PRKDC: variants seen among roughly 807,000 people sequenced by gnomAD.
The protein encoded by PRKDC is protein kinase, DNA-activated, catalytic subunit.
A neutral mutation model predicts 486.9 loss-of-function variants in PRKDC; 82 were observed. The observed-to-expected ratio is 0.17, with a 90% CI of 0.14 to 0.20. The LOEUF (loss-of-function observed/expected upper bound fraction) is 0.20. Among genes scored for constraint, PRKDC ranks in the 10% least tolerant of loss-of-function variants. PRKDC has a pLI of 1.00. For synonymous variants in PRKDC, 1,895 were observed against 1,837.0 expected (o/e 1.03, Z -0.81); for missense variants, 4,504 against 5,038.2 (o/e 0.89, Z 3.21).
At chr8:47,853,518 C>A (rs2088464137) in intron 51 of PRKDC, among the ~76,000 whole-genome samples, 1 of 152,090 alleles carries the variant, frequency 6.6e-6, no homozygotes, top group Admixed American at 6.5e-5. Context: ...TTATGATGTC[C>A]CGGAACCATC....
intron 22 of PRKDC, among the ~76,000 whole-genome samples, chr8:47,917,827 T>C (rs2090010284): frequency 6.6e-6 from 1 of 152,160 alleles, no homozygotes; most frequent in Non-Finnish European, 1.5e-5. Flanking sequence ...ACAGTTAATA[T>C]AGTTTATATT....
rs2088760968 is a variant in PRKDC at position 47,864,583 on chromosome 8, A to G, written c.5544T>C (p.Ile1848=). The part of the protein sequence containing the change: ...EFFSTIVVDA[I]DVLKSRFTKL... ...TTGTAAACCTGGACTTCAACACATC[A>G]ATGGCATCCACCACAATTGTGCTGA... The change falls in exon 41 of 86, where the codon ATT becomes ATC. Residue 1848 remains isoleucine (I), a synonymous_variant. Transcript: ENST00000314191. 1 of 1,609,948 alleles carries G rather than the reference A, an allele frequency of 6.2e-7. No homozygotes were observed. The highest frequency in any genetic ancestry group is 8.5e-7 in the Non-Finnish European group (1 of 1,178,536).
intron 25 of PRKDC, among the ~76,000 whole-genome samples, chr8:47,912,056 C>T (rs1364905200): frequency 6.6e-6 from 1 of 152,128 alleles, no homozygotes; most frequent in Non-Finnish European, 1.5e-5. Flanking sequence ...CAGATGTGAG[C>T]CACCGCGCGC....
intron 72 of PRKDC, 118 bp from the exon 73 acceptor site, chr8:47,798,515 T>G (rs1401536537): frequency 4.7e-6 from 5 of 1,057,882 alleles, no homozygotes; most frequent in Non-Finnish European, 5.2e-6. Flanking sequence ...CATTGTTCTC[T>G]TCTTAACTAC....
chr8:47,825,579 C>T (rs2087721473), intron 63 of PRKDC, among the ~76,000 whole-genome samples: 1 of 134,168 alleles, frequency 7.5e-6, no homozygotes, highest in Non-Finnish European at 1.6e-5. Context: ...AAAAATATCA[C>T]AAAAGTATGA....
Position 47,915,310 on chromosome 8 carries a change from A to G in PRKDC, c.2617+18T>C, listed in dbSNP as rs1312783510. 13 of 1,425,644 alleles carry G rather than the reference A, an allele frequency of 9.1e-6. No homozygotes were observed. The highest frequency in any genetic ancestry group is 1.4e-5 in the African/African-American group (1 of 69,752). The allele number at this position is 1,425,644 out of a possible 1,614,324, so 88.3% of individuals were successfully genotyped here. On this transcript the variant is annotated intron_variant, in intron 23 of 85. Coordinates refer to ENST00000314191, the MANE Select transcript of PRKDC (RefSeq NM_006904.7). The stretch of plus-strand genomic sequence containing the variant: ...ACAAATATATCTACAGAGGTTATTT[A>G]TTTTAAAAGAAGTTTACCTGTCAGA...
chr8:47,888,944 G>T, intron 33 of PRKDC, 70 bp downstream of exon 33: 1 of 1,460,144 alleles, frequency 6.8e-7, no homozygotes, highest in South Asian at 1.2e-5. Context: ...AGCAGCTGCA[G>T]GAGCACGGCA....
At chr8:47,836,670 A>G (rs2088031953) in intron 57 of PRKDC, 143 bp from the exon 58 acceptor site, 1 of 788,870 alleles carries the variant, frequency 1.3e-6, no homozygotes, top group Non-Finnish European at 1.9e-6. Flanking sequence ...CTGAAGAAGA[A>G]CCTTCTCTAA....
chr8:47,904,730 T>C (rs1014561969), intron 26 of PRKDC, 139 bp downstream of exon 26: 6 of 594,844 alleles, frequency 1.0e-5, no homozygotes, highest in African/African-American at 5.7e-5. Flanking sequence ...GAGGCGCAGG[T>C]TGCAGTGAGC....
At chr8:47,947,165 C>A (rs977873923) in intron 7 of PRKDC, among the ~76,000 whole-genome samples, 17 of 152,316 alleles carry the variant, frequency 1.1e-4, no homozygotes, top group Non-Finnish European at 2.2e-4. Flanking sequence ...AGCATGGGGC[C>A]AGGTGCTGAG....
intron 25 of PRKDC, among the ~76,000 whole-genome samples, chr8:47,908,199 C>A (rs1471023634): frequency 6.6e-6 from 1 of 152,198 alleles, no homozygotes; most frequent in Admixed American, 6.5e-5. Flanking sequence ...CATTGTTCAT[C>A]TTTTAAATAT....
In PRKDC at chr8:47,927,359, T is replaced by C. The variant is rs1195834490; in HGVS notation, c.2260-6A>G. ...AGGCCCAGTTTGAAAGCCATCTGTA[T>C]GTTAATACAAACAAGTTAAACTGAA... On this transcript the variant is annotated splice_polypyrimidine_tract_variant and splice_region_variant and intron_variant, in intron 20 of 85. Transcript: ENST00000314191. 4.4e-6 allele frequency: 7 copies of C among 1,602,042 alleles called. No homozygotes were observed. Among genetic ancestry groups the C allele is most frequent in the Admixed American group, 3.6e-5 (2 of 56,014 alleles).
At chr8:47,941,952 A>G (rs1430271123) in intron 10 of PRKDC, among the ~76,000 whole-genome samples, 1 of 152,242 alleles carries the variant, frequency 6.6e-6, no homozygotes, top group Non-Finnish European at 1.5e-5. Flanking sequence ...GTGGCTCATT[A>G]AAGACAACCA....
At chr8:47,857,332 A>G in intron 48 of PRKDC, 33 bp from the exon 49 acceptor site, 1 of 1,579,884 alleles carries the variant, frequency 6.3e-7, no homozygotes, top group South Asian at 1.2e-5. Flanking sequence ...AACATCAAAG[A>G]ATGGTCTTAA....
rs368302141 is a variant in PRKDC, at chr8:47,824,623, A to G, written c.8784-627T>C. Among the ~76,000 whole-genome samples, 588 of 152,328 alleles carry G rather than the reference A, an allele frequency of 3.9e-3. 4 individuals are homozygous for G. Among genetic ancestry groups the G allele is most frequent in the South Asian group, 0.025 (121 of 4,832 alleles). ...ATCCTTGTCTAGCTCCAAAAAACCC[A>G]GAAGCAAAAGAAAAAATAATCCTGA... is the stretch of plus-strand genomic sequence containing the variant. On this transcript the variant is annotated intron_variant, in intron 63 of 85. Transcript: ENST00000314191.
At chr8:47,793,674 TAAAAAAACTAAA>T (rs1409365194) in intron 74 of PRKDC, among the ~76,000 whole-genome samples, 1 of 106,474 alleles carries the variant, frequency 9.4e-6, no homozygotes, top group Non-Finnish European at 1.9e-5. Context: ...TAAATTAATT[TAAAAAAACTAAA>T]AAAAAAAAAA....
chr8:47,915,638 T>C (rs2089971849), intron 22 of PRKDC, among the ~76,000 whole-genome samples: 1 of 152,192 alleles, frequency 6.6e-6, no homozygotes, highest in Non-Finnish European at 1.5e-5. Context: ...ACATTAGAAA[T>C]TGAAACACAG....
At chr8:47,926,041 A>G (rs558299063) in intron 21 of PRKDC, among the ~76,000 whole-genome samples, 1 of 152,354 alleles carries the variant, frequency 6.6e-6, no homozygotes, top group Admixed American at 6.5e-5. Context: ...AAATCCTTTA[A>G]AACAATCACA....
At chr8:47,795,738 C>T (rs1431717427) in intron 73 of PRKDC, among the ~76,000 whole-genome samples, 1 of 151,972 alleles carries the variant, frequency 6.6e-6, no homozygotes, top group African/African-American at 2.4e-5. Context: ...GGTGATCCAC[C>T]CGCTTCGGCC....
Sources: allele counts gnomAD v4.1 joint callset (sites outside exome capture counted in the v4.1 genomes callset), GRCh38; gene constraint gnomAD v4.1.1; transcripts MANE v1.5; gene names NCBI Gene and HGNC (gene_info 2026-07-23, HGNC 2026-07-21).